The following MCOLN2 variants were observed in gnomAD, a reference collection of about 807,000 sequenced individuals.
The protein encoded by MCOLN2 is mucolipin TRP cation channel 2.
A neutral mutation model predicts 67.5 loss-of-function variants in MCOLN2; 57 were observed. The observed-to-expected ratio is 0.84, with a 90% CI of 0.68 to 1.05. The LOEUF (loss-of-function observed/expected upper bound fraction) is 1.05. Among genes scored for constraint, MCOLN2 ranks in the 50% least tolerant of loss-of-function variants. The pLI, the probability that MCOLN2 is intolerant of heterozygous loss-of-function variation, is 0.00. For synonymous variants in MCOLN2, 246 were observed against 233.3 expected, an observed-to-expected ratio of 1.05 and a Z score of -0.50; for missense variants, 620 against 678.8, an observed-to-expected ratio of 0.91 and a Z score of 0.96.
rs1343457770 is a variant in MCOLN2, at chr1:84,965,811, C to G, written c.78-103G>C. Reference sequence around the variant, plus strand: ...ACTTGAGTTGGTACATATGGCATGTCATATACTGAAAAGCCTCTTTATGAA... The same window carrying G: ...ACTTGAGTTGGTACATATGGCATGTGATATACTGAAAAGCCTCTTTATGAA... On this transcript the variant is annotated intron_variant, in intron 1 of 13. Coordinates refer to ENST00000370608, the MANE Select transcript of MCOLN2 (RefSeq NM_153259.4). 4 of 801,764 alleles carry G rather than the reference C, an allele frequency of 5.0e-6. 1 individual carries two copies. In the East Asian group the frequency reaches 1.4e-4, roughly 27 times the overall value. 49.7% of individuals were successfully genotyped at this position (801,764 alleles called of 1,614,324 possible).
intron 1 of MCOLN2, 62 bp from the exon 2 acceptor site, chr1:84,965,770 A>C: frequency 6.5e-7 from 1 of 1,532,768 alleles, no homozygotes. Context: ...CTTTTGAAGT[A>C]ACTTGCTTTC....
intron 1 of MCOLN2, among the ~76,000 whole-genome samples, chr1:84,980,259 C>T (rs764230267): frequency 2.6e-5 from 4 of 152,032 alleles, no homozygotes; most frequent in Admixed American, 6.6e-5. Context: ...TCTACAGACT[C>T]AATGCAATCC....
chr1:84,978,849 ATATTAAG>A (rs1650119214), intron 1 of MCOLN2, among the ~76,000 whole-genome samples: 1 of 152,118 alleles, frequency 6.6e-6, no homozygotes, highest in African/African-American at 2.4e-5. Flanking sequence ...TATAATACAT[ATATTAAG>A]TATTAACTCA....
chr1:84,947,617 C>T (rs934430669), intron 6 of MCOLN2, among the ~76,000 whole-genome samples: 1 of 152,256 alleles, frequency 6.6e-6, no homozygotes, highest in Non-Finnish European at 1.5e-5. Context: ...CCCTCCAGTC[C>T]TCACAGGCTT....
rs373381379 is a variant in MCOLN2, at chr1:84,993,672, G to A, written c.77+3124C>T. Among the ~76,000 whole-genome samples the A allele has an allele frequency of 5.1e-4, 71 of 139,572 alleles. 1 individual carries two copies. In the East Asian group the frequency reaches 9.4e-3, roughly 18 times the overall value. 91.6% of individuals were successfully genotyped at this position (139,572 alleles called of 152,430 possible). A position where few individuals can be genotyped will look rare whatever the true frequency, so the allele number is the denominator to read the frequency against. ...GGAGTCTCGCTCTGTCGCCCAGGCCGGACTGCGGACTGCAGTGGCGCAATC... is the reference window on the plus strand; with the variant it reads ...GGAGTCTCGCTCTGTCGCCCAGGCCAGACTGCGGACTGCAGTGGCGCAATC... On this transcript the variant is annotated intron_variant, in intron 1 of 13. Coordinates refer to ENST00000370608, the MANE Select transcript of MCOLN2 (RefSeq NM_153259.4).
At chr1:84,967,649 T>C (rs1358286848) in intron 1 of MCOLN2, among the ~76,000 whole-genome samples, 1 of 148,302 alleles carries the variant, frequency 6.7e-6, no homozygotes, top group Non-Finnish European at 1.5e-5. Context: ...AGAACTATCA[T>C]GCTGGAAAGG....
At chr1:84,992,036 T>G (rs1294747014) in intron 1 of MCOLN2, among the ~76,000 whole-genome samples, 1 of 152,334 alleles carries the variant, frequency 6.6e-6, no homozygotes, top group African/African-American at 2.4e-5. Flanking sequence ...TAATCATTTT[T>G]TCCTCAAAGC....
At chr1:84,991,692 G>A (rs574742953) in intron 1 of MCOLN2, among the ~76,000 whole-genome samples, 35 of 152,158 alleles carry the variant, frequency 2.3e-4, no homozygotes, top group African/African-American at 8.2e-4. Flanking sequence ...ACAGACAACC[G>A]TGCCACCAAG....
chr1:84,977,749 T>C (rs971168709), intron 1 of MCOLN2, among the ~76,000 whole-genome samples: 3 of 152,184 alleles, frequency 2.0e-5, no homozygotes, highest in Non-Finnish European at 4.4e-5. Flanking sequence ...AAGCAAATAT[T>C]ATTAGAGCTA....
chr1:84,992,399 A>G (rs189597936), intron 1 of MCOLN2, among the ~76,000 whole-genome samples: 1 of 152,352 alleles, frequency 6.6e-6, no homozygotes, highest in Non-Finnish European at 1.5e-5. Context: ...CATACCAGGA[A>G]AAAAGGGGCT....
At chr1:84,985,835 T>A (rs916341525) in intron 1 of MCOLN2, among the ~76,000 whole-genome samples, 43 of 152,010 alleles carry the variant, frequency 2.8e-4, no homozygotes, top group African/African-American at 1.0e-3. Context: ...CATGGATGGG[T>A]AGAATCAATA....
At chr1:84,960,736 G>T (rs148692651) in intron 2 of MCOLN2, among the ~76,000 whole-genome samples, 2 of 152,266 alleles carry the variant, frequency 1.3e-5, no homozygotes, top group East Asian at 3.9e-4. Context: ...ATGTAAACCA[G>T]GGAAGCAACA....
chr1:84,954,415 C>A (rs1170704256), intron 4 of MCOLN2, among the ~76,000 whole-genome samples: 1 of 152,182 alleles, frequency 6.6e-6, no homozygotes, highest in Non-Finnish European at 1.5e-5. Context: ...ATAGAAATAG[C>A]AAAAACATAT....
At chr1:84,962,334 C>G (rs1223226007) in intron 2 of MCOLN2, among the ~76,000 whole-genome samples, 1 of 152,138 alleles carries the variant, frequency 6.6e-6, no homozygotes, top group Admixed American at 6.6e-5. Context: ...CTGTTTGAAG[C>G]CACAAGTTCA....
intron 1 of MCOLN2, among the ~76,000 whole-genome samples, chr1:84,987,497 TAC>T (rs11270235): frequency 9.8e-5 from 4 of 40,660 alleles, no homozygotes; most frequent in African/African-American, 1.9e-4. Flanking sequence ...TACATATGTA[TAC>T]ATAGATGTAT....
At chr1:84,979,063 C>A (rs11485284) in intron 1 of MCOLN2, among the ~76,000 whole-genome samples, 77,206 of 151,882 alleles carry the variant, frequency 0.51, 19,847 homozygotes, top group Middle Eastern at 0.54. Flanking sequence ...GCCCAGCTGG[C>A]AGCTGATTAG....
intron 1 of MCOLN2, among the ~76,000 whole-genome samples, chr1:84,984,119 C>A (rs1319593477): frequency 6.6e-6 from 1 of 152,174 alleles, no homozygotes; most frequent in African/African-American, 2.4e-5. Context: ...TCTTCCCAAC[C>A]AAGTTTTAAT....
intron 6 of MCOLN2, among the ~76,000 whole-genome samples, chr1:84,949,216 T>A (rs1257217371): frequency 6.6e-6 from 1 of 152,194 alleles, no homozygotes; most frequent in African/African-American, 2.4e-5. Flanking sequence ...TCTTCTCAAG[T>A]CTTGGGAGAG....
chr1:84,952,386 A>G (rs749140686), intron 5 of MCOLN2, 47 bp from the exon 6 acceptor site: 1 of 1,572,362 alleles, frequency 6.4e-7, no homozygotes, highest in Non-Finnish European at 8.8e-7. Flanking sequence ...ATCTTACTAT[A>G]TACTATTCTC....
Sources: allele counts gnomAD v4.1 joint callset (sites outside exome capture counted in the v4.1 genomes callset), GRCh38; gene constraint gnomAD v4.1.1; transcripts MANE v1.5; gene names NCBI Gene and HGNC (gene_info 2026-07-23, HGNC 2026-07-21).